MMP8: variants seen among roughly 807,000 people sequenced by gnomAD.
MMP8 encodes the protein matrix metallopeptidase 8.
Under a neutral mutation model 51.2 loss-of-function variants are expected in MMP8, and 67 were observed. The ratio of observed to expected loss-of-function variants is 1.31; its 90% CI spans 1.08 to 1.60. MMP8 has a LOEUF of 1.60. Ranked by LOEUF, MMP8 falls within the 40% of genes most tolerant of loss-of-function variation. The pLI is 0.00. For missense variants in MMP8, 654 were observed against 558.1 expected (o/e 1.17, Z -1.73); for synonymous variants, 225 against 191.0 (o/e 1.18, Z -1.47).
At position 102,722,565 on chromosome 11, in the gene MMP8, C is replaced by CA. The variant is rs762648181; in HGVS notation, c.210dup (p.Gly71TrpfsTer10). On this transcript the variant is annotated frameshift_variant, in exon 2 of 10. Coordinates refer to ENST00000236826, the MANE Select transcript of MMP8 (RefSeq NM_002424.3). LOFTEE classifies it high-confidence loss of function. The stretch of plus-strand genomic sequence containing the variant: ...TTTGGCTTCCCCGTCACATTCAACC[C>CA]AAAAAATCGCTGCATTTCTTTAAGC... 19 of 1,613,754 alleles carry CA rather than the reference C, an allele frequency of 1.2e-5. No homozygotes were observed. The East Asian group carries it at 1.6e-4, about 13-fold the overall frequency.
At chr11:102,719,747 G>A (rs181197102) in intron 4 of MMP8, among the ~76,000 whole-genome samples, 7 of 152,290 alleles carry the variant, frequency 4.6e-5, no homozygotes, top group African/African-American at 1.4e-4. Flanking sequence ...TTGGAATACC[G>A]TGAAAGGAAC....
intron 2 of MMP8, 140 bp from the exon 3 acceptor site, chr11:102,721,902 G>T (rs1861485071): frequency 2.1e-6 from 2 of 949,896 alleles, no homozygotes; most frequent in South Asian, 1.7e-5. Context: ...GCAGGTCTCA[G>T]GGTGGAGGAC....
At chr11:102,723,572 A>T (rs1300845974) in intron 1 of MMP8, 2 of 450,244 alleles carry the variant, frequency 4.4e-6, no homozygotes, top group East Asian at 1.4e-4. Context: ...GCAGAGAAAC[A>T]AAAGGGGAGC....
In MMP8 at chr11:102,715,080, T is replaced by C. The variant is rs569834879; in HGVS notation, c.1036+224A>G. On this transcript the variant is annotated intron_variant, in intron 7 of 9. Transcript: ENST00000236826. ...GAATGCTAACGACAGTCTAGTGTGG[T>C]CTCATTTTGTTGGTGAGAAAACTGA... Among the ~76,000 whole-genome samples the C allele has an allele frequency of 3.9e-5, 6 of 152,090 alleles. No individual in the cohort carries two copies. The South Asian group carries it at 1.2e-3, about 32-fold the overall frequency.
In MMP8 at chr11:102,715,400, C is replaced by A. The variant is rs562264919; in HGVS notation, c.940G>T (p.Glu314Ter). The A allele has an allele frequency of 1.6e-5, 26 of 1,613,624 alleles. No individual in the cohort carries two copies. The highest frequency in any genetic ancestry group is 6.7e-5 in the East Asian group (3 of 44,842). Residue 314 changes from glutamate (E) to a stop codon, truncating the protein, a stop_gained, in exon 7 of 10, where the codon GAA becomes TAA. Transcript: ENST00000236826. LOFTEE classifies it high-confidence loss of function. ...WRRHPQLQRV[E>*]MNFISLFWPS... Reference sequence around the variant, plus strand: ...CAGAATAGAGAAATAAAATTCATTTCGACTCTTTGTAGCTGAGGATGCCTT... The same window carrying A: ...CAGAATAGAGAAATAAAATTCATTTAGACTCTTTGTAGCTGAGGATGCCTT...
intron 4 of MMP8, 92 bp downstream of exon 4, chr11:102,721,309 T>C: frequency 6.9e-7 from 1 of 1,438,908 alleles, no homozygotes; most frequent in Non-Finnish European, 9.2e-7. Flanking sequence ...AAATATTATG[T>C]TACCTTTATT....
Position 102,713,423 on chromosome 11 carries a change from G to A in MMP8, c.1329C>T (p.Tyr443=), listed in dbSNP as rs147573175. 6.6e-4 allele frequency: 1,072 copies of A among 1,613,244 alleles called. 4 individuals are homozygous for A. The African/African-American group carries it at 0.013, about 19-fold the overall frequency. Residue 443 remains tyrosine, a synonymous_variant, in exon 10 of 10, where the codon TAC becomes TAT. Coordinates refer to ENST00000236826, the MANE Select transcript of MMP8 (RefSeq NM_002424.3). ...FFHVFSGPRY[Y]AFDLIAQRVT... Reference sequence around the variant, plus strand: ...CTCTCTGAGCAATAAGATCAAATGCGTAATATCTTGGTCCACTGAAGACAT... The same window carrying A: ...CTCTCTGAGCAATAAGATCAAATGCATAATATCTTGGTCCACTGAAGACAT...
intron 4 of MMP8, among the ~76,000 whole-genome samples, chr11:102,719,187 G>C (rs1255586868): frequency 6.6e-6 from 1 of 152,138 alleles, no homozygotes; most frequent in East Asian, 1.9e-4. Flanking sequence ...TGAGCATAGT[G>C]CCGTTCACAA....
At chr11:102,718,788 T>C (rs188436465) in intron 4 of MMP8, among the ~76,000 whole-genome samples, 7 of 152,330 alleles carry the variant, frequency 4.6e-5, no homozygotes, top group Admixed American at 3.3e-4. Flanking sequence ...GAGTATGAAC[T>C]TCTTATAAAC....
intron 1 of MMP8, among the ~76,000 whole-genome samples, chr11:102,724,389 G>A (rs1861559218): frequency 6.6e-6 from 1 of 152,122 alleles, no homozygotes; most frequent in Non-Finnish European, 1.5e-5. Context: ...CTGTATGGAA[G>A]CACCAGACAT....
At chr11:102,723,098 A>G in intron 1 of MMP8, 1 of 1,258,232 alleles carries the variant, frequency 7.9e-7, no homozygotes, top group Middle Eastern at 2.3e-4. Flanking sequence ...AAACAGAAGC[A>G]CAGAGAATTA....
rs1176843917 is a variant in MMP8, at chr11:102,711,972, G to A, written c.*1376C>T. 6.6e-6 allele frequency: 1 copy of A among 152,066 alleles called. No individual in the cohort carries two copies. The highest frequency in any genetic ancestry group is 1.5e-5 in the Non-Finnish European group (1 of 68,008). 9.4% of individuals were successfully genotyped at this position (152,066 alleles called of 1,614,324 possible). A position where few individuals can be genotyped will look rare whatever the true frequency, so the allele number is the denominator to read the frequency against. ...AGTCTACATATTTATTGTATAATAA[G>A]CTATATTATATTCTAATAACAGCAA... On this transcript the variant is annotated 3_prime_UTR_variant, in exon 10 of 10. Transcript: ENST00000236826.
chr11:102,716,176 A>G (rs1255310528), intron 6 of MMP8, 126 bp downstream of exon 6: 3 of 666,914 alleles, frequency 4.5e-6, no homozygotes, highest in Non-Finnish European at 7.6e-6. Context: ...AACCTATAAA[A>G]AATTCCGATG....
Position 102,715,401 on chromosome 11 carries a change from G to C in MMP8, c.939C>G (p.Val313=), listed in dbSNP as rs530920765. 2 of 1,613,634 alleles carry C rather than the reference G, an allele frequency of 1.2e-6. No individual in the cohort carries two copies. Among genetic ancestry groups the C allele is most frequent in the Non-Finnish European group, 1.7e-6 (2 of 1,179,754 alleles). ...AGAATAGAGAAATAAAATTCATTTC[G>C]ACTCTTTGTAGCTGAGGATGCCTTC... The part of the protein sequence containing the change: ...FWRRHPQLQR[V]EMNFISLFWP... The change falls in exon 7 of 10, where the codon GTC becomes GTG. Residue 313 remains valine (V), a synonymous_variant. Coordinates refer to ENST00000236826, the MANE Select transcript of MMP8 (RefSeq NM_002424.3).
intron 1 of MMP8, chr11:102,723,575 A>C (rs1861537168): frequency 2.2e-6 from 1 of 448,900 alleles, no homozygotes; most frequent in African/African-American, 2.0e-5. Context: ...GAGAAACAAA[A>C]GGGGAGCAAG....
At chr11:102,719,198 C>A (rs146497829) in intron 4 of MMP8, among the ~76,000 whole-genome samples, 18 of 152,188 alleles carry the variant, frequency 1.2e-4, no homozygotes, top group Non-Finnish European at 2.4e-4. Flanking sequence ...CCGTTCACAA[C>A]TGGAGACTTA....
rs1301566988 is a variant in MMP8, at chr11:102,721,716, C to T, written c.394G>A (p.Ala132Thr). The change falls in exon 3 of 10, where the codon GCT becomes ACT. Residue 132 changes from alanine to threonine, a missense_variant. Transcript: ENST00000236826. ...PQLSEAEVER[A>T]IKDAFELWSV... ...CAGAGTTCAAAGGCATCCTTGATAG[C>T]TCTTTCTACCTCAGCCTCTGACAGC... is the stretch of plus-strand genomic sequence containing the variant. 1 of 1,613,576 alleles carries T rather than the reference C, an allele frequency of 6.2e-7. No individual in the cohort carries two copies. Among genetic ancestry groups the T allele is most frequent in the Non-Finnish European group, 8.5e-7 (1 of 1,179,742 alleles).
rs752957783 is a variant in MMP8, at chr11:102,718,539, C to T, written c.659G>A (p.Gly220Asp). Residue 220 changes from glycine (G) to aspartate (D), a missense_variant, in exon 5 of 10, where the codon GGC (glycine) becomes GAC (aspartate). Transcript: ENST00000236826. ...NLFLVAAHEF[G>D]HSLGLAHSSD... is the part of the protein sequence containing the mutation. ...GGAGTGAGCGAGCCCCAAAGAATGG[C>T]CAAATTCATGAGCAGCAACAAGAAA... The T allele has an allele frequency of 6.2e-7, 1 of 1,613,830 alleles. No homozygotes were observed.
At chr11:102,718,670 T>C in intron 4 of MMP8, 95 bp from the exon 5 acceptor site, 1 of 1,396,078 alleles carries the variant, frequency 7.2e-7, no homozygotes, top group South Asian at 1.3e-5. Context: ...TCAAAACTGC[T>C]CAGGGAAATA....
Sources: gnomAD v4.1 joint callset for allele counts (sites outside exome capture counted in the v4.1 genomes callset) on GRCh38, gnomAD v4.1.1 for gene constraint, MANE v1.5 for transcripts, NCBI Gene and HGNC (gene_info 2026-07-23, HGNC 2026-07-21) for gene names.